The following ESRRG variants were observed in gnomAD, a reference collection of about 807,000 sequenced individuals.
ESRRG encodes estrogen-related receptor gamma.
ESRRG carries 13 observed loss-of-function variants against 44.0 expected under a neutral mutation model. That is an observed-to-expected ratio of 0.30 (90% CI 0.19 to 0.47). The LOEUF is 0.47. Among genes scored for constraint, ESRRG ranks in the 20% least tolerant of loss-of-function variants. The pLI is 1.00. For synonymous variants in ESRRG, 215 were observed against 214.6 expected, an observed-to-expected ratio of 1.00 and a Z score of -0.02; for missense variants, 395 against 580.6, an observed-to-expected ratio of 0.68 and a Z score of 3.29.
At chr1:216,510,259 T>C (rs2042318789) in intron 6 of ESRRG, among the ~76,000 whole-genome samples, 9 of 152,200 alleles carry the variant, frequency 5.9e-5, no homozygotes, top group Admixed American at 5.9e-4. Flanking sequence ...TAAGAACTAC[T>C]ACTGAATTAG....
chr1:216,942,060 C>CCCCT (rs2065319582), intron 1 of ESRRG, among the ~76,000 whole-genome samples: 2 of 149,618 alleles, frequency 1.3e-5, no homozygotes, highest in African/African-American at 4.9e-5. Flanking sequence ...AACCCTTGAT[C>CCCCT]CCCTCCCTCC....
intron 2 of ESRRG, chr1:216,863,384 T>C (rs1022650382): frequency 6.6e-6 from 1 of 152,234 alleles, no homozygotes; most frequent in Non-Finnish European, 1.5e-5. Flanking sequence ...AATAAAATTT[T>C]ATTTTATTCT....
At chr1:216,566,330 T>G (rs1048753416) in intron 4 of ESRRG, among the ~76,000 whole-genome samples, 1 of 152,186 alleles carries the variant, frequency 6.6e-6, no homozygotes, top group Non-Finnish European at 1.5e-5. Context: ...ACTAATTGGA[T>G]GGACTAAAGA....
chr1:216,775,782 C>T (rs2093590805), intron 2 of ESRRG, among the ~76,000 whole-genome samples: 1 of 151,610 alleles, frequency 6.6e-6, no homozygotes, highest in South Asian at 2.1e-4. Context: ...CCAGGCTGGT[C>T]TTGAACTCCT....
At chr1:217,126,423 A>G (rs891205306) in intron 1 of ESRRG, among the ~76,000 whole-genome samples, 1 of 152,184 alleles carries the variant, frequency 6.6e-6, no homozygotes, top group African/African-American at 2.4e-5. Flanking sequence ...TTATTTAGAC[A>G]TAGATAAAAT....
At chr1:216,688,648 G>A (rs919624747) in intron 1 of ESRRG, among the ~76,000 whole-genome samples, 2 of 152,096 alleles carry the variant, frequency 1.3e-5, no homozygotes, top group African/African-American at 2.4e-5. Context: ...TTCCTGGTAA[G>A]GGGATTTGTT....
At chr1:216,623,714 A>G (rs1482712285) in intron 3 of ESRRG, among the ~76,000 whole-genome samples, 1 of 152,216 alleles carries the variant, frequency 6.6e-6, no homozygotes, top group Non-Finnish European at 1.5e-5. Context: ...TAGGAGACAT[A>G]ACCTCTAAAT....
At position 216,586,600 on chromosome 1, in the gene ESRRG, T is replaced by G. The variant is rs962196929; in HGVS notation, c.590-18502A>C. 2.7e-5 allele frequency among the ~76,000 whole-genome samples: 4 copies of G among 150,018 alleles called. No homozygotes were observed. In the East Asian group the frequency reaches 7.8e-4, roughly 29 times the overall value. On this transcript the variant is annotated intron_variant, in intron 3 of 6. Coordinates refer to ENST00000408911, the MANE Select transcript of ESRRG (RefSeq NM_001438.4). The stretch of plus-strand genomic sequence containing the variant: ...TTTGGGCTTTTTTTTTTTTTTTTTT[T>G]GAGATGGAGTCTCACTCTGTCACCC...
chr1:216,979,030 C>T (rs1189221455), intron 1 of ESRRG, among the ~76,000 whole-genome samples: 1 of 152,108 alleles, frequency 6.6e-6, no homozygotes, highest in Non-Finnish European at 1.5e-5. Flanking sequence ...GAGAAGTTTG[C>T]TCCATGCTCT....
chr1:216,820,799 A>C (rs1391913250), intron 2 of ESRRG, among the ~76,000 whole-genome samples: 1 of 152,226 alleles, frequency 6.6e-6, no homozygotes, highest in East Asian at 1.9e-4. Flanking sequence ...ATGATGGGGC[A>C]GAGAAAGTAG....
chr1:216,615,919 C>A (rs2061369701), intron 3 of ESRRG, among the ~76,000 whole-genome samples: 1 of 152,034 alleles, frequency 6.6e-6, no homozygotes, highest in South Asian at 2.1e-4. Context: ...CTCCCGACCT[C>A]AGGAGATCTG....
chr1:216,862,469 C>A (rs2263103), intron 2 of ESRRG: 74,564 of 151,574 alleles, frequency 0.49, 20,803 homozygotes, highest in African/African-American at 0.77. Flanking sequence ...GTGACCCCCC[C>A]AAAAGCCCAG....
chr1:216,993,480 A>C (rs910308573), intron 1 of ESRRG, among the ~76,000 whole-genome samples: 1 of 152,118 alleles, frequency 6.6e-6, no homozygotes, highest in Non-Finnish European at 1.5e-5. Flanking sequence ...TATCATTTGG[A>C]GTTTGGGAGC....
intron 1 of ESRRG, among the ~76,000 whole-genome samples, chr1:216,709,560 C>T (rs1336224192): frequency 6.6e-6 from 1 of 151,706 alleles, no homozygotes; most frequent in Non-Finnish European, 1.5e-5. Context: ...CTTCTTTTTG[C>T]CAAACAAAAT....
chr1:217,037,271 G>A (rs2083067761), intron 1 of ESRRG, among the ~76,000 whole-genome samples: 1 of 152,084 alleles, frequency 6.6e-6, no homozygotes, highest in South Asian at 2.1e-4. Context: ...TTTTTATGCT[G>A]CTGATGAAAG....
chr1:216,789,737 A>G (rs1379657991), intron 2 of ESRRG, among the ~76,000 whole-genome samples: 1 of 152,144 alleles, frequency 6.6e-6, no homozygotes, highest in Non-Finnish European at 1.5e-5. Flanking sequence ...AAACTTTTAG[A>G]TGCAGTATTC....
At chr1:216,991,413 A>T (rs1233844547) in intron 1 of ESRRG, among the ~76,000 whole-genome samples, 1 of 152,124 alleles carries the variant, frequency 6.6e-6, no homozygotes, top group East Asian at 1.9e-4. Flanking sequence ...CATCATTGCT[A>T]AAACTTATTA....
chr1:216,737,160 C>A (rs1467446846), intron 2 of ESRRG, among the ~76,000 whole-genome samples: 4 of 152,168 alleles, frequency 2.6e-5, no homozygotes, highest in Non-Finnish European at 4.4e-5. Context: ...TCAGTTCTTT[C>A]TCTGGCTAGT....
intron 1 of ESRRG, among the ~76,000 whole-genome samples, chr1:217,045,277 C>T (rs759375086): frequency 2.6e-5 from 4 of 152,118 alleles, no homozygotes; most frequent in South Asian, 4.1e-4. Context: ...TTAACCCTTG[C>T]GGGATTGTAA....
Sources: gnomAD v4.1 joint callset for allele counts (sites outside exome capture counted in the v4.1 genomes callset) on GRCh38, gnomAD v4.1.1 for gene constraint, MANE v1.5 for transcripts, NCBI Gene and HGNC (gene_info 2026-07-23, HGNC 2026-07-21) for gene names.